Variants in TNXB observed in about 807,000 individuals in gnomAD.
TNXB encodes tenascin XB, also known as tenascin-X.
TNXB carries 183 observed loss-of-function variants against 340.5 expected under a neutral mutation model. The observed-to-expected ratio is 0.54, with a 90% confidence interval of 0.48 to 0.61. The LOEUF (loss-of-function observed/expected upper bound fraction) is 0.61, where lower values mean the gene tolerates loss of function less well. Among genes scored for constraint, TNXB ranks in the 20% least tolerant of loss-of-function variants. The pLI, the probability that TNXB is intolerant of heterozygous loss-of-function variation, is 0.00. For synonymous variants in TNXB, 2,121 were observed against 2,314.5 expected (o/e 0.92, Z 2.40); for missense variants, 4,613 against 5,446.4 (o/e 0.85, Z 4.82).
chr6:32,067,132 G>GAAGGAAGGAAGA lies in TNXB; in HGVS notation c.6544+528_6544+529insTCTTCCTTCCTT, dbSNP rs878879249. On this transcript the variant is annotated intron_variant, in intron 18 of 43. Transcript: ENST00000644971. This position sits in a 1 kb window ranked among gnomAD's most constrained non-coding sequence, Gnocchi z 4.2. Reference sequence around the variant, plus strand: ...AAGAAAGAGAAAGAAAGAAAGGAAGGAAGAAAGAAAGAAAGAAAGAAAGAA... The same window carrying GAAGGAAGGAAGA: ...AAGAAAGAGAAAGAAAGAAAGGAAGGAAGGAAGGAAGAAAGAAAGAAAGAAAGAAAGAAAGAA... Among the ~76,000 whole-genome samples the GAAGGAAGGAAGA allele has an allele frequency of 4.9e-4, 58 of 118,078 alleles. No homozygotes were observed. Among genetic ancestry groups the GAAGGAAGGAAGA allele is most frequent in the African/African-American group, 1.6e-3 (50 of 30,504 alleles). 77.5% of individuals were successfully genotyped at this position (118,078 alleles called of 152,430 possible).
chr6:32,054,159 G>A (rs1281842444), intron 24 of TNXB, among the ~76,000 whole-genome samples: 2 of 151,828 alleles, frequency 1.3e-5, no homozygotes, highest in African/African-American at 4.8e-5. Context: ...CCTCTCCCCC[G>A]AGTTTCCCTG....
At position 32,085,658 on chromosome 6, in the gene TNXB, C is replaced by T. The variant is rs1237696724; in HGVS notation, c.3148+92G>A. On this transcript the variant is annotated intron_variant, in intron 7 of 43. Coordinates refer to ENST00000644971, the MANE Select transcript of TNXB (RefSeq NM_001365276.2). This position sits in a 1 kb window ranked among gnomAD's most constrained non-coding sequence, Gnocchi z 6.4. Reference sequence around the variant, plus strand: ...AAACATCAGCCCTGCCCTTCACTGGCCCCTCAATATCCATCCTACCTCTGA... The same window carrying T: ...AAACATCAGCCCTGCCCTTCACTGGTCCCTCAATATCCATCCTACCTCTGA... 37 of 1,389,236 alleles carry T rather than the reference C, an allele frequency of 2.7e-5. No homozygotes were observed. The highest frequency in any genetic ancestry group is 2.9e-5 in the Non-Finnish European group (31 of 1,055,918). The allele number at this position is 1,389,236 out of a possible 1,614,324, so 86.1% of individuals were successfully genotyped here.
intron 11 of TNXB, among the ~76,000 whole-genome samples, 193 bp downstream of exon 11, chr6:32,078,840 G>A (rs1201466329): frequency 6.6e-6 from 1 of 152,246 alleles, no homozygotes; most frequent in Non-Finnish European, 1.5e-5. Context: ...GGAAACAGAG[G>A]TGCAGAAAGT....
chr6:32,052,613 G>C lies in TNXB; in HGVS notation c.9115+57C>G. ...AGTATGTTTTCACGAAGACTGGAGA[G>C]ACAGCAGTGTCTTCCAGGGCCATCT... On this transcript the variant is annotated intron_variant, in intron 26 of 43. Coordinates refer to ENST00000644971, the MANE Select transcript of TNXB (RefSeq NM_001365276.2). This position sits in a 1 kb window ranked among gnomAD's most constrained non-coding sequence, Gnocchi z 4.7. 1 of 1,583,960 alleles carries C rather than the reference G, an allele frequency of 6.3e-7. No individual in the cohort carries two copies. The highest frequency in any genetic ancestry group is 2.3e-5 in the East Asian group (1 of 44,284).
In TNXB at chr6:32,081,762, T is replaced by TG. The variant is rs1779464993; in HGVS notation, c.3737-90dup. ...GACGGGATGTCACACCTATGGGGGG[T>TG]GGGGGGTCACTAGTCCATTAATTCG... On this transcript the variant is annotated intron_variant, in intron 9 of 43. Coordinates refer to ENST00000644971, the MANE Select transcript of TNXB (RefSeq NM_001365276.2). This position sits in a 1 kb window ranked among gnomAD's most constrained non-coding sequence, Gnocchi z 5.1. 3 of 460,130 alleles carry TG rather than the reference T, an allele frequency of 6.5e-6. No individual in the cohort carries two copies. Among genetic ancestry groups the TG allele is most frequent in the Non-Finnish European group, 1.2e-5 (3 of 257,812 alleles). The allele number at this position is 460,130 out of a possible 1,614,324, so 28.5% of individuals were successfully genotyped here.
intron 1 of TNXB, among the ~76,000 whole-genome samples, chr6:32,101,445 T>C (rs1026338124): frequency 1.3e-5 from 2 of 152,026 alleles, no homozygotes; most frequent in African/African-American, 4.8e-5. Flanking sequence ...CCCACCACCA[T>C]ACTTGGCTCA....
In TNXB at chr6:32,050,276, G is replaced by C. The variant is rs368614627; in HGVS notation, c.9161C>G (p.Thr3054Ser). Residue 3054 changes from threonine to serine, a missense_variant, in exon 27 of 44, where the codon ACC becomes AGC. By Grantham distance (58) the Thr-to-Ser change is moderately conservative. This residue lies in a region of TNXB where 4,327 missense variants were observed against 4,859.4 expected (regional missense o/e 0.89). Transcript: ENST00000644971. ...AETTQAVPTM[T>S]PEPPIKPRLG... ...GCGAGGCTTGATGGGGGGCTCAGGGGTCATGGTAGGCACTGCTTGGGTGGT... is the reference window on the plus strand; with the variant it reads ...GCGAGGCTTGATGGGGGGCTCAGGGCTCATGGTAGGCACTGCTTGGGTGGT... 1 of 1,613,442 alleles carries C rather than the reference G, an allele frequency of 6.2e-7. No individual in the cohort carries two copies. The highest frequency in any genetic ancestry group is 1.1e-5 in the South Asian group (1 of 91,076).
rs1372986439 is a variant in TNXB at position 32,055,969 on chromosome 6, CCT to C, written c.8347_8348del (p.Arg2783GlyfsTer44). The C allele has an allele frequency of 1.1e-5, 17 of 1,613,362 alleles. No homozygotes were observed. Among genetic ancestry groups the C allele is most frequent in the Non-Finnish European group, 1.4e-5 (17 of 1,179,882 alleles). On this transcript the variant is annotated frameshift_variant, in exon 24 of 44. Coordinates refer to ENST00000644971, the MANE Select transcript of TNXB (RefSeq NM_001365276.2). LOFTEE classifies it high-confidence loss of function. Reference sequence around the variant, plus strand: ...CCACGGTGACCTCGCTCTCCTCGCCCCTGACACGCATCACCTGGGGCCGCCCG... The same window carrying C: ...CCACGGTGACCTCGCTCTCCTCGCCCGACACGCATCACCTGGGGCCGCCCG... ...RDGRPQVMRV[R>X]GEESEVTVGG...
chr6:32,106,174 G>A (rs1780970129), intron 1 of TNXB, among the ~76,000 whole-genome samples: 1 of 151,714 alleles, frequency 6.6e-6, no homozygotes, highest in South Asian at 2.1e-4. Context: ...CTTGTTTCTT[G>A]ATCTGGATGA....
chr6:32,105,188 A>G (rs1780917534), intron 1 of TNXB, among the ~76,000 whole-genome samples: 1 of 151,860 alleles, frequency 6.6e-6, no homozygotes, highest in South Asian at 2.1e-4. Context: ...AGATCTTTGT[A>G]TACTCTGTTC....
At position 32,088,860 on chromosome 6, in the gene TNXB, C is replaced by T. The variant is rs372869340; in HGVS notation, c.2704G>A (p.Val902Ile). Residue 902 changes from valine (V) to isoleucine (I), a missense_variant, in exon 6 of 44, where the codon GTA (valine) becomes ATA (isoleucine). By Grantham distance (29) the Val-to-Ile change is conservative. Transcript: ENST00000644971. Reference sequence around the variant, plus strand: ...GCTGTGACAGTCACCACATATTCTACGCCTGGCATCAGGTCAGTCAGCAGC... The same window carrying T: ...GCTGTGACAGTCACCACATATTCTATGCCTGGCATCAGGTCAGTCAGCAGC... ...GTLLTDLMPG[V>I]EYVVTVTAER... 46 of 1,583,462 alleles carry T rather than the reference C, an allele frequency of 2.9e-5. No individual in the cohort carries two copies. Among genetic ancestry groups the T allele is most frequent in the Admixed American group, 2.0e-4 (11 of 54,902 alleles).
chr6:32,102,502 C>T (rs1780769044), intron 1 of TNXB, among the ~76,000 whole-genome samples: 1 of 152,172 alleles, frequency 6.6e-6, no homozygotes, highest in Non-Finnish European at 1.5e-5. Context: ...ACACATAGTG[C>T]TGAGTAAAAA....
In TNXB at chr6:32,052,218, G is replaced by A. The variant is rs1777321638; in HGVS notation, c.9115+452C>T. On this transcript the variant is annotated intron_variant, in intron 26 of 43. Coordinates refer to ENST00000644971, the MANE Select transcript of TNXB (RefSeq NM_001365276.2). This position sits in a 1 kb window ranked among gnomAD's most constrained non-coding sequence, Gnocchi z 4.7. ...TATGATCCCAGCACTTTGGGAGGCC[G>A]AGGAGGGCAGATCACGAGGTCAGGA... Among the ~76,000 whole-genome samples, 1 of 152,178 alleles carries A rather than the reference G, an allele frequency of 6.6e-6. No individual in the cohort carries two copies. The highest frequency in any genetic ancestry group is 6.5e-5 in the Admixed American group (1 of 15,286).
intron 25 of TNXB, 23 bp from the exon 26 acceptor site, chr6:32,053,016 G>A: frequency 1.2e-6 from 2 of 1,601,160 alleles, no homozygotes; most frequent in African/African-American, 1.3e-5. Flanking sequence ...GACAGAGAAG[G>A]TGAGGCAGCT....
intron 23 of TNXB, 109 bp downstream of exon 23, chr6:32,056,477 G>A: frequency 2.0e-6 from 3 of 1,507,876 alleles, no homozygotes; most frequent in Non-Finnish European, 2.7e-6. Context: ...CCACAAGCAG[G>A]TCTGTGGTGC....
chr6:32,068,492 C>T lies in TNXB; in HGVS notation c.6118G>A (p.Val2040Ile). ...AVRVPGHEEG[V>I]TISGLEPDHK... ...TCTGGCTCCAGGCCCGAGATGGTGA[C>T]CCCTTCCTCGTGCCCTGGCACCCTC... The change falls in exon 17 of 44, where the codon GTC becomes ATC. Residue 2040 changes from valine (V) to isoleucine (I), a missense_variant. Around this residue, in one of 7 missense-constraint regions of TNXB, gnomAD observed 4,327 missense variants for 4,859.4 expected, o/e 0.89. Coordinates refer to ENST00000644971, the MANE Select transcript of TNXB (RefSeq NM_001365276.2). The surrounding 1 kb of genome is among the most constrained non-coding windows in gnomAD (Gnocchi z 5.3). 6.2e-7 allele frequency: 1 copy of T among 1,613,920 alleles called. No homozygotes were observed. Among genetic ancestry groups the T allele is most frequent in the Non-Finnish European group, 8.5e-7 (1 of 1,179,894 alleles).
At position 32,072,118 on chromosome 6, in the gene TNXB, AC is replaced by A. The variant is rs769818046; in HGVS notation, c.4861del (p.Val1621CysfsTer62). On this transcript the variant is annotated frameshift_variant, in exon 13 of 44. Coordinates refer to ENST00000644971, the MANE Select transcript of TNXB (RefSeq NM_001365276.2). LOFTEE classifies it high-confidence loss of function. This position sits in a 1 kb window ranked among gnomAD's most constrained non-coding sequence, Gnocchi z 4.4. Reference sequence around the variant, plus strand: ...CTCCCGCTGATCTGCAGCCACGGGCACCACCTGGGGCTGCCCGTCCCTGTCC... The same window carrying A: ...CTCCCGCTGATCTGCAGCCACGGGCACACCTGGGGCTGCCCGTCCCTGTCC... ...YKDRDGQPQVVPVAADQREVT... is the reference protein window; with the variant it reads ...YKDRDGQPQVXPVAADQREVT... The A allele has an allele frequency of 1.2e-6, 2 of 1,612,754 alleles. No homozygotes were observed. Among genetic ancestry groups the A allele is most frequent in the African/African-American group, 2.7e-5 (2 of 74,884 alleles).
rs200076970 is a variant in TNXB, at chr6:32,049,253, C to T, written c.9757+17G>A. On this transcript the variant is annotated intron_variant, in intron 28 of 43. Coordinates refer to ENST00000644971, the MANE Select transcript of TNXB (RefSeq NM_001365276.2). The surrounding 1 kb of genome is among the most constrained non-coding windows in gnomAD (Gnocchi z 4.5). ...GCAGAGGTAAACCTGGGGACGAGGG[C>T]CTGTCCCCCCACTCACCCGTGATGC... The T allele has an allele frequency of 7.1e-5, 114 of 1,602,272 alleles. No individual in the cohort carries two copies. The highest frequency in any genetic ancestry group is 2.1e-4 in the Middle Eastern group (1 of 4,720).
In TNXB at chr6:32,082,291, G is replaced by A. The variant is rs903196142; in HGVS notation, c.3481C>T (p.His1161Tyr). The change falls in exon 9 of 44, where the codon CAC becomes TAC. Residue 1161 changes from histidine (H) to tyrosine (Y), a missense_variant. His to Tyr is a moderately conservative substitution (Grantham distance 83). Around this residue, in one of 7 missense-constraint regions of TNXB, gnomAD observed 4,327 missense variants for 4,859.4 expected, o/e 0.89. Transcript: ENST00000644971. This position sits in a 1 kb window ranked among gnomAD's most constrained non-coding sequence, Gnocchi z 5.0. Reference sequence around the variant, plus strand: ...TCTGTCACCCACAGGTTTCCCAGGTGGGGTGGAGTCCCTGGACTTGGGTCA... The same window carrying A: ...TCTGTCACCCACAGGTTTCCCAGGTAGGGTGGAGTCCCTGGACTTGGGTCA... Reference protein sequence around the residue: ...QSDPSPGTPPHLGNLWVTDPT... With the variant: ...QSDPSPGTPPYLGNLWVTDPT... 9.4e-6 allele frequency: 15 copies of A among 1,600,902 alleles called. No homozygotes were observed. Among genetic ancestry groups the A allele is most frequent in the African/African-American group, 1.3e-5 (1 of 74,874 alleles).
Sources: gnomAD v4.1 joint callset for allele counts (sites outside exome capture counted in the v4.1 genomes callset) on GRCh38, gnomAD v4.1.1 for gene constraint, gnomAD v4.1.1 regional missense constraint, Gnocchi (gnomAD v3.1) non-coding constraint, MANE v1.5 for transcripts, NCBI Gene and HGNC (gene_info 2026-07-23, HGNC 2026-07-21) for gene names.